ZSCAN21: variants seen among roughly 807,000 people sequenced by gnomAD.
ZSCAN21 encodes zinc finger and SCAN domain containing 21, also known as zinc finger and SCAN domain-containing protein 21.
A neutral mutation model predicts 35.6 loss-of-function variants in ZSCAN21; 26 were observed. That is an observed-to-expected ratio of 0.73 (90% CI 0.54 to 1.01). ZSCAN21 has a LOEUF of 1.01. ZSCAN21 is among the 50% of genes least tolerant of loss of function. The probability of loss-of-function intolerance (pLI) is 0.00; values close to 1 mark genes in which losing one functional copy is unlikely to be tolerated. For missense variants in ZSCAN21, 593 were observed against 587.1 expected, an observed-to-expected ratio of 1.01 and a Z score of -0.10; for synonymous variants, 219 against 219.3, an observed-to-expected ratio of 1.00 and a Z score of 0.01.
chr7:100,060,086 A>C (rs1193332253), intron 3 of ZSCAN21, among the ~76,000 whole-genome samples: 2 of 152,250 alleles, frequency 1.3e-5, no homozygotes, highest in East Asian at 3.8e-4. Flanking sequence ...AACTGTAGTC[A>C]TTGAAATGAA....
chr7:100,061,294 G>A (rs1792280648), intron 3 of ZSCAN21, among the ~76,000 whole-genome samples: 1 of 152,228 alleles, frequency 6.6e-6, no homozygotes, highest in Non-Finnish European at 1.5e-5. Context: ...GGCCAAGGCA[G>A]GTGGATCATT....
At chr7:100,061,549 T>C (rs948824706) in intron 3 of ZSCAN21, among the ~76,000 whole-genome samples, 1 of 152,202 alleles carries the variant, frequency 6.6e-6, no homozygotes, top group African/African-American at 2.4e-5. Context: ...ATGAGGTTAC[T>C]TCTGTCCCAC....
intron 3 of ZSCAN21, among the ~76,000 whole-genome samples, chr7:100,062,429 CT>C (rs1235712457): frequency 6.6e-6 from 1 of 150,704 alleles, no homozygotes; most frequent in East Asian, 2.0e-4. Context: ...AACCCTGTCT[CT>C]ACTAAAAATA....
At chr7:100,058,209 T>A (rs1004198864) in intron 3 of ZSCAN21, among the ~76,000 whole-genome samples, 1 of 152,046 alleles carries the variant, frequency 6.6e-6, no homozygotes, top group African/African-American at 2.4e-5. Context: ...AATGAACCAA[T>A]AAGGAATAGT....
chr7:100,055,704 G>A (rs1161913133), intron 1 of ZSCAN21, among the ~76,000 whole-genome samples: 57 of 142,896 alleles, frequency 4.0e-4, no homozygotes, highest in African/African-American at 1.5e-3. Context: ...GCAGTGGCGC[G>A]ATCTCTGTTC....
Position 100,056,505 on chromosome 7 carries a change from C to T in ZSCAN21, c.-96-406C>T, listed in dbSNP as rs115412910. On this transcript the variant is annotated intron_variant, in intron 1 of 3. Transcript: ENST00000292450. ...TTAGAGATGGAATCTCGCTCTGTTG[C>T]GCAGGCTGGAATGCAGTGGCGCAGG... Among the ~76,000 whole-genome samples, 983 of 151,678 alleles carry T rather than the reference C, an allele frequency of 6.5e-3. 11 individuals carry two copies. The highest frequency in any genetic ancestry group is 0.022 in the African/African-American group (920 of 41,350).
chr7:100,057,500 G>A, intron 2 of ZSCAN21, 95 bp downstream of exon 2: 1 of 1,453,352 alleles, frequency 6.9e-7, no homozygotes, highest in Non-Finnish European at 9.1e-7. Context: ...TTTGCTGAAT[G>A]GAAATTTCTG....
Position 100,063,954 on chromosome 7 carries a change from T to G in ZSCAN21, c.759T>G (p.Pro253=), listed in dbSNP as rs1440338835. Residue 253 remains proline (P), a synonymous_variant, in exon 4 of 4, where the codon CCT becomes CCG. Coordinates refer to ENST00000292450, the MANE Select transcript of ZSCAN21 (RefSeq NM_145914.3). The part of the protein sequence containing the change: ...NLENEKGTKP[P]LQEAGSKKGR... The stretch of plus-strand genomic sequence containing the variant: ...AAAATGAAAAAGGAACAAAACCCCC[T>G]CTTCAAGAGGCAGGCTCCAAGAAAG... 6.2e-7 allele frequency: 1 copy of G among 1,614,074 alleles called. No individual in the cohort carries two copies. The highest frequency in any genetic ancestry group is 8.5e-7 in the Non-Finnish European group (1 of 1,179,990).
chr7:100,061,355 G>A (rs537323222), intron 3 of ZSCAN21, among the ~76,000 whole-genome samples: 1 of 151,944 alleles, frequency 6.6e-6, no homozygotes, highest in African/African-American at 2.4e-5. Flanking sequence ...AACCCCATTT[G>A]TACAAAAAAT....
intron 3 of ZSCAN21, among the ~76,000 whole-genome samples, 175 bp downstream of exon 3, chr7:100,058,065 C>G (rs1288883523): frequency 1.3e-5 from 2 of 152,098 alleles, no homozygotes; most frequent in Non-Finnish European, 2.9e-5. Context: ...TTAACCTGGG[C>G]CCTAGCATGG....
chr7:100,055,151 T>A (rs1176391850), intron 1 of ZSCAN21, among the ~76,000 whole-genome samples: 1 of 152,014 alleles, frequency 6.6e-6, no homozygotes, highest in African/African-American at 2.4e-5. Context: ...AGACAGGGTT[T>A]CACCATGTTG....
intron 1 of ZSCAN21, among the ~76,000 whole-genome samples, chr7:100,050,570 C>T (rs140070337): frequency 2.0e-5 from 3 of 152,096 alleles, no homozygotes; most frequent in East Asian, 3.9e-4. Flanking sequence ...TGGTGGAGCG[C>T]GCCTGTAATC....
Position 100,051,282 on chromosome 7 carries a change from C to CTTTTTTTTTTTTTTTTTTTTTT in ZSCAN21, c.-97+1449_-97+1470dup, listed in dbSNP as rs1164734568. On this transcript the variant is annotated intron_variant, in intron 1 of 3. Transcript: ENST00000292450. ...GGCTGCCTAGGGATCTAGGGATTTT[C>CTTTTTTTTTTTTTTTTTTTTTT]TTTTTTTTTTTTTTTTTTTTTTTTT... Among the ~76,000 whole-genome samples the CTTTTTTTTTTTTTTTTTTTTTT allele has an allele frequency of 1.5e-3, 53 of 34,964 alleles. 18 individuals are homozygous for CTTTTTTTTTTTTTTTTTTTTTT. Among genetic ancestry groups the CTTTTTTTTTTTTTTTTTTTTTT allele is most frequent in the Non-Finnish European group, 2.2e-3 (43 of 19,314 alleles). 22.9% of individuals were successfully genotyped at this position (34,964 alleles called of 152,430 possible).
At chr7:100,053,125 C>CA (rs1026582023) in intron 1 of ZSCAN21, among the ~76,000 whole-genome samples, 1,563 of 75,548 alleles carry the variant, frequency 0.021, 17 homozygotes, top group Middle Eastern at 0.088. Flanking sequence ...GACTCCATCT[C>CA]AAAAAAAAAA....
At position 100,063,851 on chromosome 7, in the gene ZSCAN21, G is replaced by A; in HGVS notation, c.656G>A (p.Gly219Glu). ...GAGCAGAAAGGTTCTGAAGCAGAGG[G>A]GCTCAAAGGGGATATAATTTCTGTG... Reference protein sequence around the residue: ...ADEQKGSEAEGLKGDIISVII... With the variant: ...ADEQKGSEAEELKGDIISVII... The change falls in exon 4 of 4, where the codon GGG becomes GAG. Residue 219 changes from glycine to glutamate, a missense_variant. Gly to Glu is a moderately conservative substitution (Grantham distance 98). Coordinates refer to ENST00000292450, the MANE Select transcript of ZSCAN21 (RefSeq NM_145914.3). 6.2e-7 allele frequency: 1 copy of A among 1,614,060 alleles called. No individual in the cohort carries two copies. The highest frequency in any genetic ancestry group is 1.3e-5 in the African/African-American group (1 of 75,044).
At chr7:100,049,929 C>G (rs185658272) in intron 1 of ZSCAN21, 88 bp downstream of exon 1, 1 of 152,334 alleles carries the variant, frequency 6.6e-6, no homozygotes, top group Admixed American at 6.5e-5. Context: ...GGTTTAGCAG[C>G]TGTGGCTTCC....
chr7:100,060,589 G>A (rs1792248615), intron 3 of ZSCAN21, among the ~76,000 whole-genome samples: 1 of 151,102 alleles, frequency 6.6e-6, no homozygotes, highest in Non-Finnish European at 1.5e-5. Context: ...CAGACTGGCT[G>A]GGCATGGTGG....
chr7:100,059,548 A>G lies in ZSCAN21; in HGVS notation c.592+1658A>G, dbSNP rs994712645. 3.0e-5 allele frequency among the ~76,000 whole-genome samples: 4 copies of G among 134,142 alleles called. No individual in the cohort carries two copies. In the South Asian group the frequency reaches 9.4e-4, roughly 31 times the overall value. 88.0% of individuals were successfully genotyped at this position (134,142 alleles called of 152,430 possible). A position where few individuals can be genotyped will look rare whatever the true frequency, so the allele number is the denominator to read the frequency against. ...AGTTGGCTGTGAAAGCTTTGCATAA[A>G]GTCTTTTTTTTTTTTTTTTTTTTGA... is the stretch of plus-strand genomic sequence containing the variant. On this transcript the variant is annotated intron_variant, in intron 3 of 3. Transcript: ENST00000292450.
intron 1 of ZSCAN21, among the ~76,000 whole-genome samples, chr7:100,050,809 C>G (rs563130843): frequency 6.6e-6 from 1 of 152,124 alleles, no homozygotes; most frequent in African/African-American, 2.4e-5. Context: ...TAATTGTTTT[C>G]AAGTGTTGGA....
Sources: gnomAD v4.1 joint callset for allele counts (sites outside exome capture counted in the v4.1 genomes callset) on GRCh38, gnomAD v4.1.1 for gene constraint, MANE v1.5 for transcripts, NCBI Gene and HGNC (gene_info 2026-07-23, HGNC 2026-07-21) for gene names.